GPHN: variants seen among roughly 807,000 people sequenced by gnomAD.
GPHN encodes gephyrin.
GPHN carries 17 observed loss-of-function variants against 95.5 expected under a neutral mutation model. The ratio of observed to expected loss-of-function variants is 0.18; its 90% CI spans 0.12 to 0.27. The LOEUF is 0.27. GPHN is among the 10% of genes least tolerant of loss of function. The pLI, the probability that GPHN is intolerant of heterozygous loss-of-function variation, is 1.00. For missense variants in GPHN, 660 were observed against 978.1 expected (o/e 0.67, Z 4.34); for synonymous variants, 320 against 322.5 (o/e 0.99, Z 0.08).
At chr14:67,240,594 G>T in the GPHN span, among the ~76,000 whole-genome samples, 5 of 152,200 alleles carry the variant, frequency 3.3e-5, no homozygotes, top group Non-Finnish European at 5.9e-5. Flanking sequence ...CCATCCGAGG[G>T]CTTTTATTGC....
chr14:66,546,276 C>G (rs1424804728), intron 1 of GPHN, among the ~76,000 whole-genome samples: 1 of 151,704 alleles, frequency 6.6e-6, no homozygotes, highest in Non-Finnish European at 1.5e-5. Flanking sequence ...AGACGCTCCT[C>G]ACTTTCCAGA....
At chr14:67,585,185 C>T in the GPHN span, 1 of 173,048 alleles carries the variant, frequency 5.8e-6, no homozygotes, top group Non-Finnish European at 1.2e-5. Flanking sequence ...AGGTGGAATG[C>T]CGTGTTTCCA....
the GPHN span, chr14:67,571,626 T>C: frequency 2.3e-6 from 2 of 859,608 alleles, no homozygotes; most frequent in Non-Finnish European, 3.8e-6. Flanking sequence ...TGGACAGTTG[T>C]CTGTTCAGAG....
chr14:66,947,870 G>A (rs964865730), intron 8 of GPHN, among the ~76,000 whole-genome samples: 1 of 152,142 alleles, frequency 6.6e-6, no homozygotes, highest in South Asian at 2.1e-4. Context: ...TGGGAGAATT[G>A]TGTGAGCCCA....
the GPHN span, among the ~76,000 whole-genome samples, chr14:67,512,635 C>T: frequency 0.71 from 108,114 of 151,988 alleles, 40,429 homozygotes; most frequent in Non-Finnish European, 0.84. Context: ...AGATCTGATA[C>T]AGTTGCCGAT....
the GPHN span, among the ~76,000 whole-genome samples, chr14:67,560,190 G>A: frequency 6.6e-6 from 1 of 152,056 alleles, no homozygotes; most frequent in Non-Finnish European, 1.5e-5. Flanking sequence ...ACCATGCCCA[G>A]CTAATTTTTG....
chr14:67,711,945 G>A, the GPHN span, among the ~76,000 whole-genome samples: 13,354 of 151,980 alleles, frequency 0.088, 855 homozygotes, highest in East Asian at 0.23. Context: ...TTGAGACGGA[G>A]TTTTGCTCTT....
At chr14:66,815,634 A>G (rs748380839) in intron 3 of GPHN, among the ~76,000 whole-genome samples, 2 of 152,200 alleles carry the variant, frequency 1.3e-5, no homozygotes, top group Non-Finnish European at 2.9e-5. Context: ...TTACTACCAG[A>G]CCTACCTTAC....
intron 4 of GPHN, among the ~76,000 whole-genome samples, chr14:66,832,329 G>A (rs1028416338): frequency 2.6e-5 from 4 of 152,132 alleles, no homozygotes; most frequent in African/African-American, 9.7e-5. Context: ...TAGATGCTCA[G>A]TATTTGTTCT....
At chr14:66,862,559 A>G (rs111598069) in intron 4 of GPHN, among the ~76,000 whole-genome samples, 1,540 of 152,182 alleles carry the variant, frequency 0.01, 28 homozygotes, top group African/African-American at 0.035. Context: ...TTACAGGCCA[A>G]TATCTCTGAT....
intron 12 of GPHN, among the ~76,000 whole-genome samples, chr14:67,093,172 G>T (rs1330769181): frequency 2.6e-5 from 4 of 151,982 alleles, no homozygotes; most frequent in Non-Finnish European, 5.9e-5. Context: ...TTGCCATTTG[G>T]GTAGAGAGAA....
the GPHN span, among the ~76,000 whole-genome samples, chr14:67,520,550 T>C: frequency 3.9e-5 from 6 of 152,286 alleles, no homozygotes; most frequent in African/African-American, 1.4e-4. Context: ...TATTCCATTG[T>C]CTGGATATAC....
At chr14:67,497,411 A>G in the GPHN span, among the ~76,000 whole-genome samples, 2 of 152,044 alleles carry the variant, frequency 1.3e-5, no homozygotes, top group Admixed American at 6.5e-5. Flanking sequence ...CCCTCCTTCC[A>G]GTGCCGGGAT....
chr14:67,653,096 T>C, the GPHN span, among the ~76,000 whole-genome samples: 1 of 152,092 alleles, frequency 6.6e-6, no homozygotes, highest in African/African-American at 2.4e-5. Context: ...GCTGAGATTA[T>C]ATAAATATAT....
At chr14:67,458,301 T>C in the GPHN span, among the ~76,000 whole-genome samples, 1 of 152,090 alleles carries the variant, frequency 6.6e-6, no homozygotes, top group Non-Finnish European at 1.5e-5. Context: ...ATTTGATGAA[T>C]TGATGTGCGG....
At chr14:67,701,430 T>C in the GPHN span, among the ~76,000 whole-genome samples, 49 of 141,892 alleles carry the variant, frequency 3.5e-4, no homozygotes, top group African/African-American at 1.2e-3. Flanking sequence ...AATTTCTTTT[T>C]TTTTTTTTTT....
At chr14:67,355,002 A>AG in the GPHN span, among the ~76,000 whole-genome samples, 14 of 151,844 alleles carry the variant, frequency 9.2e-5, no homozygotes, top group African/African-American at 3.4e-4. Flanking sequence ...TAGTAGAGAC[A>AG]GGTTTCTCCA....
intron 6 of GPHN, among the ~76,000 whole-genome samples, chr14:66,916,457 C>T (rs8012570): frequency 2.3e-4 from 34 of 148,576 alleles, no homozygotes; most frequent in African/African-American, 7.9e-4. Flanking sequence ...GAGAAGCTCA[C>T]CTGAGTTTTT....
At chr14:67,164,124 C>T (rs555218222) in intron 19 of GPHN, among the ~76,000 whole-genome samples, 54 of 151,586 alleles carry the variant, frequency 3.6e-4, no homozygotes, top group Non-Finnish European at 5.9e-4. Context: ...CAAAATTAGC[C>T]GGGCGTGGTG....
Sources: allele counts gnomAD v4.1 joint callset (sites outside exome capture counted in the v4.1 genomes callset), GRCh38; gene constraint gnomAD v4.1.1; transcripts MANE v1.5; gene names NCBI Gene and HGNC (gene_info 2026-07-23, HGNC 2026-07-21).